Variants in GALNTL6 observed in about 807,000 individuals in gnomAD.
GALNTL6 encodes polypeptide N-acetylgalactosaminyltransferase like 6.
GALNTL6 carries 46 observed loss-of-function variants against 73.7 expected under a neutral mutation model. That is an observed-to-expected ratio of 0.62 (90% confidence interval 0.49 to 0.80). The LOEUF is 0.80. Ranked by LOEUF, GALNTL6 falls within the 30% of genes least tolerant of loss-of-function variation. GALNTL6 has a pLI of 0.00. For missense variants in GALNTL6, 604 were observed against 755.0 expected, an observed-to-expected ratio of 0.80 and a Z score of 2.34; for synonymous variants, 259 against 263.7, an observed-to-expected ratio of 0.98 and a Z score of 0.17.
intron 8 of GALNTL6, among the ~76,000 whole-genome samples, chr4:172,903,428 C>T (rs1353430384): frequency 6.6e-6 from 1 of 152,126 alleles, no homozygotes; most frequent in African/African-American, 2.4e-5. Context: ...AAGCTTAACT[C>T]TGCAGAAAAA....
At chr4:172,493,575 A>G (rs529643993) in intron 5 of GALNTL6, among the ~76,000 whole-genome samples, 10 of 152,198 alleles carry the variant, frequency 6.6e-5, no homozygotes, top group Non-Finnish European at 1.2e-4. Context: ...AAAATGTGAT[A>G]CATATGATAT....
At chr4:171,931,258 T>G (rs2110997068) in intron 2 of GALNTL6, among the ~76,000 whole-genome samples, 1 of 152,302 alleles carries the variant, frequency 6.6e-6, no homozygotes, top group South Asian at 2.1e-4. Flanking sequence ...CATGGCTCAC[T>G]GAAGCTTTGA....
intron 5 of GALNTL6, among the ~76,000 whole-genome samples, chr4:172,488,651 T>C (rs1478974148): frequency 6.6e-6 from 1 of 152,170 alleles, no homozygotes; most frequent in Non-Finnish European, 1.5e-5. Context: ...CACTTTCTTG[T>C]ATTCTATTGC....
chr4:172,067,701 C>T (rs1454332795), intron 2 of GALNTL6, among the ~76,000 whole-genome samples: 1 of 110,270 alleles, frequency 9.1e-6, no homozygotes, highest in Non-Finnish European at 2.0e-5. Context: ...TGGGTGGGTT[C>T]TATCCTTTGG....
Position 172,809,602 on chromosome 4 carries a change from T to G in GALNTL6, c.739+56T>G, listed in dbSNP as rs531744211. The G allele has an allele frequency of 7.0e-7, 1 of 1,421,520 alleles. No individual in the cohort carries two copies. Among genetic ancestry groups the G allele is most frequent in the African/African-American group, 1.4e-5 (1 of 69,854 alleles). 88.1% of individuals were successfully genotyped at this position (1,421,520 alleles called of 1,614,324 possible). A position where few individuals can be genotyped will look rare whatever the true frequency, so the allele number is the denominator to read the frequency against. The stretch of plus-strand genomic sequence containing the variant: ...GATGCCTCAGGGGAACTGAGCGGTT[T>G]GCTTCTATTTAGTTTGCAATCAGCA... On this transcript the variant is annotated intron_variant, in intron 6 of 12. Coordinates refer to ENST00000506823, the MANE Select transcript of GALNTL6 (RefSeq NM_001034845.3). The surrounding 1 kb of genome is among the most constrained non-coding windows in gnomAD (Gnocchi z 4.4).
intron 5 of GALNTL6, among the ~76,000 whole-genome samples, chr4:172,662,992 G>A (rs1238969710): frequency 6.6e-6 from 1 of 152,152 alleles, no homozygotes; most frequent in East Asian, 1.9e-4. Context: ...GAGCCTGCTG[G>A]GCAGGGGAGA....
chr4:172,500,823 G>A (rs569972477), intron 5 of GALNTL6, among the ~76,000 whole-genome samples: 9 of 152,206 alleles, frequency 5.9e-5, no homozygotes, highest in East Asian at 1.9e-4. Flanking sequence ...CATATTTGAC[G>A]GTTGAAGCAA....
At chr4:171,965,370 A>G (rs777485325) in intron 2 of GALNTL6, among the ~76,000 whole-genome samples, 56 of 152,178 alleles carry the variant, frequency 3.7e-4, no homozygotes, top group Non-Finnish European at 7.1e-4. Flanking sequence ...AGAAGAGTCA[A>G]TGGGGGCTGG....
At chr4:172,109,241 C>T (rs1466884044) in intron 2 of GALNTL6, among the ~76,000 whole-genome samples, 1 of 122,820 alleles carries the variant, frequency 8.1e-6, no homozygotes, top group Non-Finnish European at 1.7e-5. Context: ...GCCAAAAATA[C>T]GAACATGGAC....
intron 7 of GALNTL6, among the ~76,000 whole-genome samples, chr4:172,820,745 T>C (rs138401233): frequency 1.4e-3 from 209 of 152,348 alleles, no homozygotes; most frequent in African/African-American, 4.3e-3. Flanking sequence ...AAATTTTGCA[T>C]GATCTCCATG....
At chr4:173,025,428 C>A (rs902505638) in intron 12 of GALNTL6, among the ~76,000 whole-genome samples, 1 of 152,196 alleles carries the variant, frequency 6.6e-6, no homozygotes, top group Non-Finnish European at 1.5e-5. Context: ...TAAGACTTGT[C>A]ACCTGCCCCC....
chr4:173,008,041 C>T (rs560640843), intron 10 of GALNTL6, among the ~76,000 whole-genome samples: 86 of 152,360 alleles, frequency 5.6e-4, no homozygotes, highest in Non-Finnish European at 8.8e-4. Context: ...AGCAATAACA[C>T]TGTCTTTCCT....
chr4:171,871,549 G>T (rs1045652678), intron 2 of GALNTL6, among the ~76,000 whole-genome samples: 7 of 151,948 alleles, frequency 4.6e-5, no homozygotes, highest in Non-Finnish European at 8.8e-5. Context: ...TTAACCTTCA[G>T]CATGACATTA....
intron 7 of GALNTL6, among the ~76,000 whole-genome samples, chr4:172,880,847 A>T (rs1745416766): frequency 6.6e-6 from 1 of 152,170 alleles, no homozygotes; most frequent in East Asian, 1.9e-4. Context: ...TATGTCTAAA[A>T]TAACCTAAGA....
chr4:172,541,102 G>C (rs975275607), intron 5 of GALNTL6, among the ~76,000 whole-genome samples: 3 of 152,168 alleles, frequency 2.0e-5, no homozygotes, highest in African/African-American at 4.8e-5. Flanking sequence ...AGGGTCTACT[G>C]TCTGTCTTTT....
At chr4:173,022,775 A>G (rs979849835) in intron 12 of GALNTL6, among the ~76,000 whole-genome samples, 1 of 152,242 alleles carries the variant, frequency 6.6e-6, no homozygotes, top group Admixed American at 6.5e-5. Context: ...ATTCAAAAAC[A>G]TATATAAAGT....
intron 10 of GALNTL6, among the ~76,000 whole-genome samples, chr4:172,974,984 C>T (rs1417369900): frequency 6.6e-6 from 1 of 152,236 alleles, no homozygotes; most frequent in African/African-American, 2.4e-5. Flanking sequence ...GCTTGGGGAG[C>T]TCCTATGTCT....
chr4:172,346,724 A>T (rs1047779282), intron 4 of GALNTL6, among the ~76,000 whole-genome samples: 1 of 152,208 alleles, frequency 6.6e-6, no homozygotes, highest in Non-Finnish European at 1.5e-5. Flanking sequence ...CCTGGCCTAT[A>T]TCAAACCTTC....
chr4:172,412,909 G>A (rs374149082), intron 5 of GALNTL6, among the ~76,000 whole-genome samples: 16 of 152,248 alleles, frequency 1.1e-4, no homozygotes, highest in South Asian at 6.2e-4. Context: ...TCTGCCTACT[G>A]CTGACTGAGT....
Sources: gnomAD v4.1 joint callset for allele counts (sites outside exome capture counted in the v4.1 genomes callset) on GRCh38, gnomAD v4.1.1 for gene constraint, Gnocchi (gnomAD v3.1) non-coding constraint, MANE v1.5 for transcripts, NCBI Gene and HGNC (gene_info 2026-07-23, HGNC 2026-07-21) for gene names.